Variants in ZFHX3 observed in about 807,000 individuals in gnomAD.
ZFHX3 encodes zinc finger homeobox protein 3.
Under a neutral mutation model 279.1 loss-of-function variants are expected in ZFHX3, and 42 were observed. The ratio of observed to expected loss-of-function variants is 0.15; its 90% CI spans 0.12 to 0.19. ZFHX3 has a LOEUF of 0.19. Among genes scored for constraint, ZFHX3 ranks in the 10% least tolerant of loss-of-function variants. ZFHX3 has a pLI of 1.00. For missense variants in ZFHX3, 4,981 were observed against 4,754.0 expected (o/e 1.05, Z -1.40); for synonymous variants, 2,293 against 1,957.8 (o/e 1.17, Z -4.52).
chr16:73,729,126 C>A (rs1460583847), intron 1 of ZFHX3, among the ~76,000 whole-genome samples: 1 of 152,178 alleles, frequency 6.6e-6, no homozygotes. Flanking sequence ...TCTGCCCAGT[C>A]TCTGACAGGG....
At chr16:73,609,679 G>A (rs1251632572) in intron 2 of ZFHX3, 1 of 152,000 alleles carries the variant, frequency 6.6e-6, no homozygotes, top group African/African-American at 2.4e-5. Context: ...GAGGGAAGAA[G>A]GAAGGAAGGG....
chr16:73,691,686 A>C (rs2053151274), intron 1 of ZFHX3, among the ~76,000 whole-genome samples: 1 of 152,224 alleles, frequency 6.6e-6, no homozygotes, highest in Non-Finnish European at 1.5e-5. Flanking sequence ...GTAACTTCCC[A>C]AGAAAAACAC....
chr16:73,350,686 C>T (rs1013837421), intron 3 of ZFHX3, among the ~76,000 whole-genome samples: 5 of 152,182 alleles, frequency 3.3e-5, no homozygotes, highest in Non-Finnish European at 7.3e-5. Context: ...CCTGACCCTT[C>T]GGTCAAGTGC....
intron 1 of ZFHX3, among the ~76,000 whole-genome samples, chr16:73,008,106 C>T (rs984686238): frequency 2.0e-5 from 3 of 152,088 alleles, no homozygotes; most frequent in Non-Finnish European, 4.4e-5. Context: ...TTTTATCTTA[C>T]AATTCTTTTC....
At chr16:72,860,130 C>T (rs572319422) in intron 4 of ZFHX3, among the ~76,000 whole-genome samples, 2 of 152,124 alleles carry the variant, frequency 1.3e-5, no homozygotes, top group Admixed American at 1.3e-4. Context: ...GTCTCGTTAC[C>T]GATTATATTT....
At chr16:72,877,938 G>C (rs1243577864) in intron 4 of ZFHX3, among the ~76,000 whole-genome samples, 1 of 152,174 alleles carries the variant, frequency 6.6e-6, no homozygotes, top group Admixed American at 6.5e-5. Flanking sequence ...CCTGAACAGG[G>C]CAAGTCACAA....
intron 5 of ZFHX3, among the ~76,000 whole-genome samples, chr16:73,190,010 A>G (rs1456124366): frequency 6.6e-6 from 1 of 152,258 alleles, no homozygotes; most frequent in African/African-American, 2.4e-5. Flanking sequence ...TGGGCTCACC[A>G]ACATCTCACA....
chr16:73,168,314 T>C (rs781516782), intron 5 of ZFHX3, among the ~76,000 whole-genome samples: 8 of 149,626 alleles, frequency 5.3e-5, no homozygotes, highest in Non-Finnish European at 8.9e-5. Flanking sequence ...CACGCTGGAG[T>C]GCAGTGGTGT....
At chr16:72,977,045 G>C (rs1012492153) in intron 1 of ZFHX3, among the ~76,000 whole-genome samples, 2 of 152,172 alleles carry the variant, frequency 1.3e-5, no homozygotes, top group Admixed American at 1.3e-4. Context: ...ATGGTGATGA[G>C]AAATTGCAGA....
intron 8 of ZFHX3, among the ~76,000 whole-genome samples, chr16:73,085,039 GA>G (rs907360687): frequency 2.0e-5 from 3 of 150,694 alleles, no homozygotes; most frequent in African/African-American, 4.9e-5. Flanking sequence ...CACAGAAATA[GA>G]AAAAAAAAGT....
chr16:73,001,618 G>T (rs2144597198), intron 1 of ZFHX3, among the ~76,000 whole-genome samples: 1 of 152,126 alleles, frequency 6.6e-6, no homozygotes, highest in East Asian at 1.9e-4. Context: ...TTCAAGACCA[G>T]CCTGGGCAAG....
At chr16:73,880,870 C>G (rs1030302227) in intron 1 of ZFHX3, among the ~76,000 whole-genome samples, 1 of 152,090 alleles carries the variant, frequency 6.6e-6, no homozygotes. Context: ...AAAATGTAAA[C>G]GACATGTCTC....
chr16:72,917,579 A>G (rs2039473231), intron 3 of ZFHX3, among the ~76,000 whole-genome samples: 1 of 152,228 alleles, frequency 6.6e-6, no homozygotes, highest in Admixed American at 6.5e-5. Context: ...ATGTTGTAGA[A>G]AACATCTAGT....
intron 1 of ZFHX3, among the ~76,000 whole-genome samples, chr16:73,728,717 T>C (rs1308960484): frequency 3.3e-5 from 5 of 151,976 alleles, no homozygotes; most frequent in African/African-American, 1.2e-4. Flanking sequence ...TCCGTCTGTA[T>C]CTAAAAAGAG....
intron 3 of ZFHX3, among the ~76,000 whole-genome samples, chr16:73,414,688 A>G (rs897375065): frequency 6.6e-6 from 1 of 152,140 alleles, no homozygotes; most frequent in African/African-American, 2.4e-5. Flanking sequence ...ATTTAAAATA[A>G]TCCACCAGGC....
chr16:72,787,042 T>TTTC lies in ZFHX3; in HGVS notation c.*121_*122insGAA, dbSNP rs1442044915. 6 of 801,218 alleles carry TTTC rather than the reference T, an allele frequency of 7.5e-6. No homozygotes were observed. In the African/African-American group the frequency reaches 1.1e-4, roughly 15 times the overall value. 49.6% of individuals were successfully genotyped at this position (801,218 alleles called of 1,614,324 possible). The stretch of plus-strand genomic sequence containing the variant: ...ACCCACGCTTTTTCTTTTTTTTCTT[T>TTTC]TTTTTTTTTTTTTTGTTTTTTGGTT... On this transcript the variant is annotated 3_prime_UTR_variant, in exon 10 of 10. Coordinates refer to ENST00000268489, the MANE Select transcript of ZFHX3 (RefSeq NM_006885.4).
At chr16:73,398,471 C>T (rs1383306404) in intron 3 of ZFHX3, among the ~76,000 whole-genome samples, 1 of 152,184 alleles carries the variant, frequency 6.6e-6, no homozygotes, top group Non-Finnish European at 1.5e-5. Context: ...TGGTGCCGGC[C>T]TGCACTGGCT....
At chr16:73,099,648 T>A (rs865793456) in intron 7 of ZFHX3, among the ~76,000 whole-genome samples, 1 of 146,872 alleles carries the variant, frequency 6.8e-6, no homozygotes, top group Middle Eastern at 3.6e-3. Flanking sequence ...GAGGCAGAGG[T>A]TGCAGTGAGC....
At chr16:73,381,905 G>T (rs1312573746) in intron 3 of ZFHX3, among the ~76,000 whole-genome samples, 1 of 152,244 alleles carries the variant, frequency 6.6e-6, no homozygotes, top group Non-Finnish European at 1.5e-5. Flanking sequence ...GGACAAGCTT[G>T]TTTAGACTTT....
Sources: gnomAD v4.1 joint callset for allele counts (sites outside exome capture counted in the v4.1 genomes callset) on GRCh38, gnomAD v4.1.1 for gene constraint, MANE v1.5 for transcripts, NCBI Gene and HGNC (gene_info 2026-07-23, HGNC 2026-07-21) for gene names.